Variants in COL19A1 observed in about 807,000 individuals in gnomAD.
COL19A1 encodes the protein collagen alpha-1(XIX) chain.
Under a neutral mutation model 190.2 loss-of-function variants are expected in COL19A1, and 159 were observed. The ratio of observed to expected loss-of-function variants is 0.84; its 90% confidence interval spans 0.73 to 0.95. COL19A1 has a LOEUF of 0.95. Among genes scored for constraint, COL19A1 ranks in the 40% least tolerant of loss-of-function variants. COL19A1 has a pLI of 0.00. For synonymous variants in COL19A1, 509 were observed against 458.9 expected (o/e 1.11, Z -1.39); for missense variants, 1,418 against 1,431.9 (o/e 0.99, Z 0.16).
intron 14 of COL19A1, among the ~76,000 whole-genome samples, chr6:70,055,296 G>A (rs1780428312): frequency 2.6e-5 from 4 of 151,926 alleles, no homozygotes; most frequent in African/African-American, 9.6e-5. Flanking sequence ...TCTTTATGGA[G>A]GGCAATTTGA....
intron 9 of COL19A1, among the ~76,000 whole-genome samples, chr6:69,954,556 A>T (rs73482140): frequency 4.5e-4 from 68 of 152,184 alleles, no homozygotes; most frequent in African/African-American, 1.6e-3. Flanking sequence ...AAACAAGGGA[A>T]TCTCTTCTTT....
chr6:69,899,334 G>T (rs1444915823), intron 3 of COL19A1, among the ~76,000 whole-genome samples: 2 of 151,712 alleles, frequency 1.3e-5, no homozygotes, highest in Non-Finnish European at 2.9e-5. Flanking sequence ...TGTATTTTTG[G>T]TAGAGATGGG....
intron 7 of COL19A1, among the ~76,000 whole-genome samples, chr6:69,934,831 G>A (rs1772998464): frequency 6.6e-6 from 1 of 151,938 alleles, no homozygotes; most frequent in Admixed American, 6.6e-5. Flanking sequence ...TGTACAGTTG[G>A]AAGGATAAAT....
intron 9 of COL19A1, among the ~76,000 whole-genome samples, chr6:69,958,519 G>T (rs1311796845): frequency 1.3e-5 from 2 of 152,172 alleles, no homozygotes; most frequent in African/African-American, 4.8e-5. Flanking sequence ...TGTGATGCCT[G>T]AGGTCTAAAA....
chr6:70,113,504 C>A (rs566964485), intron 16 of COL19A1, among the ~76,000 whole-genome samples: 2 of 152,304 alleles, frequency 1.3e-5, no homozygotes, highest in East Asian at 3.9e-4. Flanking sequence ...CATCCCCAAG[C>A]AATATACTCT....
At chr6:69,946,953 C>G (rs1298970346) in intron 9 of COL19A1, among the ~76,000 whole-genome samples, 1 of 151,866 alleles carries the variant, frequency 6.6e-6, no homozygotes, top group Non-Finnish European at 1.5e-5. Flanking sequence ...CAGCCACACT[C>G]ATTTGTTTTT....
At chr6:70,049,776 C>T (rs1440202330) in intron 14 of COL19A1, among the ~76,000 whole-genome samples, 1 of 151,870 alleles carries the variant, frequency 6.6e-6, no homozygotes, top group Non-Finnish European at 1.5e-5. Flanking sequence ...ATTTTAAATG[C>T]CATTAGAAAA....
At chr6:70,187,326 A>G (rs991917009) in intron 46 of COL19A1, among the ~76,000 whole-genome samples, 3 of 148,076 alleles carry the variant, frequency 2.0e-5, no homozygotes, top group Admixed American at 6.8e-5. Context: ...ATCACACTCA[A>G]CGTGCACACA....
intron 4 of COL19A1, among the ~76,000 whole-genome samples, chr6:69,909,553 G>A (rs1770770180): frequency 6.6e-6 from 1 of 152,030 alleles, no homozygotes; most frequent in African/African-American, 2.4e-5. Context: ...CAAGTTCTGG[G>A]GAGAAGAAAG....
chr6:69,902,881 G>A (rs1326444336), intron 4 of COL19A1, among the ~76,000 whole-genome samples: 2 of 152,172 alleles, frequency 1.3e-5, no homozygotes, highest in East Asian at 3.9e-4. Context: ...AGGGTCCATG[G>A]CCAACACCAG....
chr6:70,030,856 C>T (rs1779021995), intron 12 of COL19A1, among the ~76,000 whole-genome samples: 1 of 152,174 alleles, frequency 6.6e-6, no homozygotes, highest in South Asian at 2.1e-4. Context: ...CACTTCTCAT[C>T]ATCTCCACTG....
At chr6:70,025,940 T>G (rs1054680214) in intron 12 of COL19A1, among the ~76,000 whole-genome samples, 10 of 152,222 alleles carry the variant, frequency 6.6e-5, no homozygotes, top group African/African-American at 1.9e-4. Context: ...TTGACCGTTC[T>G]GTGTGAGAAG....
chr6:69,962,731 T>C, intron 10 of COL19A1, 95 bp from the exon 11 acceptor site: 1 of 800,408 alleles, frequency 1.2e-6, no homozygotes, highest in South Asian at 2.4e-5. Context: ...CAATTACTGA[T>C]TTTTCATTGT....
intron 15 of COL19A1, among the ~76,000 whole-genome samples, chr6:70,086,347 A>G (rs983544751): frequency 1.3e-5 from 2 of 152,152 alleles, no homozygotes; most frequent in African/African-American, 4.8e-5. Context: ...ATACATAAGT[A>G]CATATATTTC....
chr6:70,030,886 A>T (rs1167874779), intron 12 of COL19A1, among the ~76,000 whole-genome samples: 1 of 152,114 alleles, frequency 6.6e-6, no homozygotes, highest in African/African-American at 2.4e-5. Flanking sequence ...TGTCCCAGCC[A>T]TCCTGCTCTC....
intron 16 of COL19A1, among the ~76,000 whole-genome samples, chr6:70,107,482 T>C (rs1423542455): frequency 6.6e-6 from 1 of 152,212 alleles, no homozygotes; most frequent in African/African-American, 2.4e-5. Context: ...CCCAATGTCA[T>C]TGATATGAAA....
chr6:70,056,468 T>A (rs1479985819), intron 14 of COL19A1, among the ~76,000 whole-genome samples: 1 of 152,136 alleles, frequency 6.6e-6, no homozygotes, highest in African/African-American at 2.4e-5. Context: ...GGGAGGGACA[T>A]TTTCTACATT....
intron 40 of COL19A1, among the ~76,000 whole-genome samples, chr6:70,169,352 T>G (rs1248910246): frequency 6.6e-6 from 1 of 152,218 alleles, no homozygotes; most frequent in Non-Finnish European, 1.5e-5. Context: ...TCCTTCATGT[T>G]TCATTTGTAT....
intron 11 of COL19A1, among the ~76,000 whole-genome samples, chr6:70,003,861 GC>G (rs1777439646): frequency 6.6e-6 from 1 of 152,040 alleles, no homozygotes; most frequent in Non-Finnish European, 1.5e-5. Context: ...AGGTCATTTA[GC>G]CCCTTTACAT....
Sources: gnomAD v4.1 joint callset for allele counts (sites outside exome capture counted in the v4.1 genomes callset) on GRCh38, gnomAD v4.1.1 for gene constraint, MANE v1.5 for transcripts, NCBI Gene and HGNC (gene_info 2026-07-23, HGNC 2026-07-21) for gene names.